Variants in EZR observed in about 807,000 individuals in gnomAD.
EZR encodes ezrin.
In EZR, 40 loss-of-function variants were observed where a neutral mutation model predicts 74.8. The ratio of observed to expected loss-of-function variants is 0.53; its 90% CI spans 0.42 to 0.70. The LOEUF (loss-of-function observed/expected upper bound fraction) is 0.70, where lower values mean the gene tolerates loss of function less well. EZR is among the 30% of genes least tolerant of loss of function. The pLI is 0.00. For missense variants in EZR, 678 were observed against 755.8 expected (o/e 0.90, Z 1.21); for synonymous variants, 341 against 283.3 (o/e 1.20, Z -2.05).
chr6:158,800,614 A>T (rs1048440597), intron 2 of EZR, among the ~76,000 whole-genome samples: 1 of 152,204 alleles, frequency 6.6e-6, no homozygotes, highest in Non-Finnish European at 1.5e-5. Flanking sequence ...CAGCCTGGCC[A>T]ACATGGCGAA....
At chr6:158,780,398 T>C (rs1409142080) in intron 7 of EZR, among the ~76,000 whole-genome samples, 1 of 152,152 alleles carries the variant, frequency 6.6e-6, no homozygotes, top group Non-Finnish European at 1.5e-5. Context: ...TGCACTTTCA[T>C]TTTGAGGAAG....
intron 10 of EZR, 53 bp downstream of exon 10, chr6:158,770,711 A>G (rs2128565949): frequency 6.2e-7 from 1 of 1,610,912 alleles, no homozygotes; most frequent in Non-Finnish European, 8.5e-7. Flanking sequence ...GGCCCCTGCT[A>G]CTCTGTGGAA....
In EZR at chr6:158,771,306, G is replaced by A; in HGVS notation, c.897C>T (p.Thr299=). ...GGGCCTTCATCTGCTGCACCTCGAT[G>A]GTGTCAGGCTTCCTGCGGCGCATAT... ...ELYMRRRKPD[T]IEVQQMKAQA... is the part of the protein sequence containing the mutation. Residue 299 remains threonine, a synonymous_variant, in exon 9 of 14, where the codon ACC becomes ACT. Coordinates refer to ENST00000367075, the MANE Select transcript of EZR (RefSeq NM_001111077.2). 7 of 1,614,154 alleles carry A rather than the reference G, an allele frequency of 4.3e-6. No individual in the cohort carries two copies. The highest frequency in any genetic ancestry group is 1.6e-4 in the Middle Eastern group (1 of 6,062).
intron 11 of EZR, 123 bp downstream of exon 11, chr6:158,769,661 C>A (rs1791034639): frequency 7.1e-7 from 1 of 1,399,314 alleles, no homozygotes. Flanking sequence ...CTGCCTTCAG[C>A]CCCCCAGCAG....
intron 2 of EZR, among the ~76,000 whole-genome samples, chr6:158,794,589 G>A (rs953685224): frequency 1.3e-5 from 2 of 152,070 alleles, no homozygotes; most frequent in African/African-American, 4.8e-5. Flanking sequence ...CAAACTATGT[G>A]CAGACTGGAG....
chr6:158,791,726 TGAGACAGAGTC>T (rs1791754325), intron 2 of EZR, among the ~76,000 whole-genome samples: 2 of 147,110 alleles, frequency 1.4e-5, no homozygotes, highest in South Asian at 2.2e-4. Context: ...TTTTTTTTTT[TGAGACAGAGTC>T]TTTCTCTGTC....
In EZR at chr6:158,801,815, A is replaced by G. The variant is rs113045179; in HGVS notation, c.13-12444T>C. ...CCTAGGAATCATGGACAGTCATACT[A>G]TTCCCAGGAACATGACGCACAAAAG... On this transcript the variant is annotated intron_variant, in intron 2 of 13. Transcript: ENST00000367075. 4.7e-3 allele frequency among the ~76,000 whole-genome samples: 717 copies of G among 152,332 alleles called. 4 individuals are homozygous for G. Among genetic ancestry groups the G allele is most frequent in the African/African-American group, 0.016 (678 of 41,572 alleles).
At chr6:158,812,690 G>A (rs373613550) in intron 2 of EZR, among the ~76,000 whole-genome samples, 4 of 152,212 alleles carry the variant, frequency 2.6e-5, no homozygotes, top group Admixed American at 6.5e-5. Flanking sequence ...TTTCATCAAC[G>A]ATTGTCACAA....
At chr6:158,788,540 G>C (rs145587972) in intron 3 of EZR, 2 of 151,920 alleles carry the variant, frequency 1.3e-5, no homozygotes, top group African/African-American at 4.8e-5. Flanking sequence ...CCAACTATTC[G>C]GGGAGCTGAT....
Position 158,769,884 on chromosome 6 carries a change from T to G in EZR, c.1151A>C (p.Glu384Ala). 8.1e-6 allele frequency: 13 copies of G among 1,613,590 alleles called. No homozygotes were observed. The highest frequency in any genetic ancestry group is 1.0e-5 in the Non-Finnish European group (12 of 1,180,018). ...QLEEERKRAQ[E>A]EAERLEADRM... ...GTCAGCCTCTAGGCGCTCGGCCTCC[T>G]CCTGTGCCCGCTTCCTCTCCTCCTC... Residue 384 changes from glutamate (E) to alanine (A), a missense_variant, in exon 11 of 14, where the codon GAG becomes GCG. Physicochemically the swap from Glu to Ala is moderately radical, Grantham distance 107. Around this residue, in one of 3 missense-constraint regions of EZR, gnomAD observed 342 missense variants for 341.2 expected, o/e 1.00. Transcript: ENST00000367075.
chr6:158,789,817 A>C (rs972125026), intron 2 of EZR, among the ~76,000 whole-genome samples: 3 of 152,202 alleles, frequency 2.0e-5, no homozygotes, highest in African/African-American at 7.2e-5. Flanking sequence ...ACGGGGTCTC[A>C]CTATGTTGCC....
intron 10 of EZR, 132 bp from the exon 11 acceptor site, chr6:158,770,076 C>T (rs2128565172): frequency 8.2e-7 from 1 of 1,223,150 alleles, no homozygotes; most frequent in East Asian, 2.5e-5. Flanking sequence ...CTTCCAGTGA[C>T]CCTGGAGGAA....
Position 158,771,027 on chromosome 6 carries a change from C to A in EZR, c.960-133G>T. On this transcript the variant is annotated intron_variant, in intron 9 of 13. Transcript: ENST00000367075. Reference sequence around the variant, plus strand: ...AGGGCCACCCTAGCCTGCTGCCAGCCTGAGCTGCCTGACGGAGCAGCCGCT... The same window carrying A: ...AGGGCCACCCTAGCCTGCTGCCAGCATGAGCTGCCTGACGGAGCAGCCGCT... 2.1e-6 allele frequency: 3 copies of A among 1,420,180 alleles called. No individual in the cohort carries two copies. The Admixed American group carries it at 5.9e-5, about 28-fold the overall frequency. 88.0% of individuals were successfully genotyped at this position (1,420,180 alleles called of 1,614,324 possible).
intron 2 of EZR, among the ~76,000 whole-genome samples, chr6:158,812,854 A>G (rs975427735): frequency 2.0e-5 from 3 of 152,126 alleles, no homozygotes; most frequent in African/African-American, 7.2e-5. Flanking sequence ...TTGGCCCTGC[A>G]TATCCAACCC....
intron 6 of EZR, among the ~76,000 whole-genome samples, chr6:158,784,170 G>A (rs1448226294): frequency 6.6e-6 from 1 of 152,202 alleles, no homozygotes; most frequent in Admixed American, 6.5e-5. Flanking sequence ...TCTAGGACGA[G>A]AACACCCAGA....
chr6:158,777,956 T>C (rs755516005), intron 7 of EZR, among the ~76,000 whole-genome samples: 1 of 152,156 alleles, frequency 6.6e-6, no homozygotes, highest in East Asian at 1.9e-4. Flanking sequence ...TGCAATGAGT[T>C]TGTTCTTTTA....
intron 1 of EZR, 118 bp from the exon 2 acceptor site, chr6:158,818,284 G>A: frequency 4.7e-6 from 2 of 422,802 alleles, no homozygotes; most frequent in East Asian, 3.9e-5. Context: ...CCGGGCCCGG[G>A]TGAGTCAGCG....
intron 5 of EZR, 111 bp from the exon 6 acceptor site, chr6:158,784,838 A>G: frequency 1.2e-6 from 1 of 823,028 alleles, no homozygotes; most frequent in South Asian, 1.6e-5. Flanking sequence ...AAATCAATCA[A>G]TCCCAAAGAG....
At chr6:158,768,271 T>TC (rs1790974880) in intron 12 of EZR, among the ~76,000 whole-genome samples, 1 of 151,918 alleles carries the variant, frequency 6.6e-6, no homozygotes, top group Non-Finnish European at 1.5e-5. Flanking sequence ...GGTGCCTGCT[T>TC]CCCCTTCGCC....
Sources: allele counts gnomAD v4.1 joint callset (sites outside exome capture counted in the v4.1 genomes callset), GRCh38; gene constraint gnomAD v4.1.1; regional missense constraint gnomAD v4.1.1; transcripts MANE v1.5; gene names NCBI Gene and HGNC (gene_info 2026-07-23, HGNC 2026-07-21).